CACNA2D4: variants seen among roughly 807,000 people sequenced by gnomAD.
The protein encoded by CACNA2D4 is calcium voltage-gated channel auxiliary subunit alpha2delta 4.
A neutral mutation model predicts 163.8 loss-of-function variants in CACNA2D4; 157 were observed. The ratio of observed to expected loss-of-function variants is 0.96; its 90% CI spans 0.84 to 1.09. The LOEUF (loss-of-function observed/expected upper bound fraction) is 1.09, where lower values mean the gene tolerates loss of function less well. Ranked by LOEUF, CACNA2D4 falls within the 50% of genes least tolerant of loss-of-function variation. The probability of loss-of-function intolerance (pLI) is 0.00; values close to 1 mark genes in which losing one functional copy is unlikely to be tolerated. For missense variants in CACNA2D4, 1,410 were observed against 1,479.9 expected (o/e 0.95, Z 0.78); for synonymous variants, 598 against 586.9 (o/e 1.02, Z -0.27).
chr12:1,856,297 G>GAAAC, intron 20 of CACNA2D4, 68 bp from the exon 21 acceptor site: 6 of 1,542,862 alleles, frequency 3.9e-6, no homozygotes, highest in Non-Finnish European at 5.4e-6. Flanking sequence ...CTCAATTGTA[G>GAAAC]AAACAGCCAC....
intron 18 of CACNA2D4, among the ~76,000 whole-genome samples, chr12:1,872,172 C>T (rs1865800621): frequency 6.6e-6 from 1 of 152,194 alleles, no homozygotes; most frequent in South Asian, 2.1e-4. Context: ...GAATGAGTTG[C>T]ACATGTTTCA....
chr12:1,910,456 T>C (rs1866785059), intron 3 of CACNA2D4, among the ~76,000 whole-genome samples: 1 of 26,280 alleles, frequency 3.8e-5, no homozygotes, highest in African/African-American at 3.1e-4. Flanking sequence ...ATGCAGGATG[T>C]TGATAGCGGG....
At chr12:1,818,983 A>G (rs1863987263) in intron 26 of CACNA2D4, among the ~76,000 whole-genome samples, 1 of 142,718 alleles carries the variant, frequency 7.0e-6, no homozygotes, top group Non-Finnish European at 1.5e-5. Context: ...AAGAATGATC[A>G]ATAAATACTA....
At chr12:1,805,980 G>A (rs4766420) in intron 29 of CACNA2D4, among the ~76,000 whole-genome samples, 148,569 of 152,312 alleles carry the variant, frequency 0.98, 72,557 homozygotes, top group East Asian at 1. Context: ...TGACGACAGA[G>A]AGGGATGCCC....
chr12:1,840,672 G>C, intron 26 of CACNA2D4, 67 bp downstream of exon 26: 2 of 1,358,828 alleles, frequency 1.5e-6, no homozygotes, highest in Non-Finnish European at 2.1e-6. Flanking sequence ...CTTCTGCTGT[G>C]ATCTATGCCT....
chr12:1,826,618 C>T (rs1305506153), intron 26 of CACNA2D4, among the ~76,000 whole-genome samples: 6 of 152,212 alleles, frequency 3.9e-5, no homozygotes, highest in African/African-American at 9.6e-5. Context: ...GCGGGGCCTT[C>T]GGCAGACTGG....
chr12:1,816,339 C>T (rs541637403), intron 26 of CACNA2D4, among the ~76,000 whole-genome samples: 65 of 152,342 alleles, frequency 4.3e-4, no homozygotes, highest in African/African-American at 1.5e-3. Flanking sequence ...GAAAGCTTCC[C>T]TCATGCCTGT....
At chr12:1,795,180 A>T (rs1863076365) in intron 37 of CACNA2D4, 119 bp downstream of exon 37, 1 of 790,746 alleles carries the variant, frequency 1.3e-6, no homozygotes, top group African/African-American at 1.7e-5. Context: ...CCCGAGAAGC[A>T]CAGGCACAGG....
Position 1,829,485 on chromosome 12 carries a change from G to A in CACNA2D4, c.2551+11254C>T, listed in dbSNP as rs111468844. 7.3e-3 allele frequency among the ~76,000 whole-genome samples: 1,114 copies of A among 152,132 alleles called. 16 individuals are homozygous for A. The highest frequency in any genetic ancestry group is 0.025 in the African/African-American group (1,027 of 41,514). Reference sequence around the variant, plus strand: ...ATGGCTGTACCTGTGCTCACTTCTCGCCAAGAACAGTGAGGCTTGCTGTTA... The same window carrying A: ...ATGGCTGTACCTGTGCTCACTTCTCACCAAGAACAGTGAGGCTTGCTGTTA... On this transcript the variant is annotated intron_variant, in intron 26 of 37. Coordinates refer to ENST00000382722, the MANE Select transcript of CACNA2D4 (RefSeq NM_172364.5). This position sits in a 1 kb window ranked among gnomAD's most constrained non-coding sequence, Gnocchi z 4.2.
rs886049125 is a variant in CACNA2D4 at position 1,801,583 on chromosome 12, A to T, written c.2783T>A (p.Val928Glu). 3.8e-6 allele frequency: 6 copies of T among 1,586,882 alleles called. No homozygotes were observed. The highest frequency in any genetic ancestry group is 1.4e-5 in the African/African-American group (1 of 74,022). ...AVLTQLLSMGVFSQVTMYDYQ... is the reference protein window; with the variant it reads ...AVLTQLLSMGEFSQVTMYDYQ... Reference sequence around the variant, plus strand: ...AGTGTGCCCCACTTACTGGCTGAACACCCCCATGCTGAGCAGCTGGGTCAG... The same window carrying T: ...AGTGTGCCCCACTTACTGGCTGAACTCCCCCATGCTGAGCAGCTGGGTCAG... Residue 928 changes from valine (V) to glutamate (E), a missense_variant, in exon 30 of 38, where the codon GTG (valine) becomes GAG (glutamate). By Grantham distance (121) the Val-to-Glu change is moderately radical. Transcript: ENST00000382722.
intron 23 of CACNA2D4, among the ~76,000 whole-genome samples, chr12:1,847,838 T>C (rs1432898528): frequency 6.7e-6 from 1 of 148,736 alleles, no homozygotes; most frequent in East Asian, 2.0e-4. Flanking sequence ...GTAAATATTT[T>C]AATTTATACA....
At chr12:1,824,545 C>T (rs1864239280) in intron 26 of CACNA2D4, among the ~76,000 whole-genome samples, 1 of 152,218 alleles carries the variant, frequency 6.6e-6, no homozygotes, top group African/African-American at 2.4e-5. Context: ...GTCTCTAGGA[C>T]TGGGTTAGGA....
In CACNA2D4 at chr12:1,833,507, C is replaced by T. The variant is rs1864721069; in HGVS notation, c.2551+7232G>A. On this transcript the variant is annotated intron_variant, in intron 26 of 37. Coordinates refer to ENST00000382722, the MANE Select transcript of CACNA2D4 (RefSeq NM_172364.5). This position sits in a 1 kb window ranked among gnomAD's most constrained non-coding sequence, Gnocchi z 4.2. ...TGGCGAGCCCGTGCGCCCAGGTACC[C>T]ACACCTCCTCATCAACACCAGCCTC... Among the ~76,000 whole-genome samples, 2 of 152,178 alleles carry T rather than the reference C, an allele frequency of 1.3e-5. No homozygotes were observed. Among genetic ancestry groups the T allele is most frequent in the African/African-American group, 4.8e-5 (2 of 41,438 alleles).
intron 25 of CACNA2D4, among the ~76,000 whole-genome samples, chr12:1,842,333 A>C (rs1865043692): frequency 6.6e-6 from 1 of 152,188 alleles, no homozygotes; most frequent in Non-Finnish European, 1.5e-5. Context: ...GACTTAGCCC[A>C]CCAGGCCCCG....
chr12:1,800,759 CAG>C (rs1863290037), intron 31 of CACNA2D4: 5 of 593,686 alleles, frequency 8.4e-6, no homozygotes, highest in African/African-American at 3.7e-5. Context: ...GCGGCAGTGT[CAG>C]GGGCTGAGGC....
chr12:1,889,281 T>C (rs1866222898), intron 6 of CACNA2D4, among the ~76,000 whole-genome samples: 1 of 152,134 alleles, frequency 6.6e-6, no homozygotes, highest in African/African-American at 2.4e-5. Context: ...CTCACATGCA[T>C]GAGGGAATGG....
chr12:1,797,989 G>A (rs1436205519), intron 34 of CACNA2D4, among the ~76,000 whole-genome samples: 1 of 152,098 alleles, frequency 6.6e-6, no homozygotes, highest in African/African-American at 2.4e-5. Context: ...ATCCTGCCCT[G>A]CTCTCCCGCA....
rs1434477319 is a variant in CACNA2D4, at chr12:1,869,969, A to G, written c.1878+4635T>C. 6.6e-6 allele frequency among the ~76,000 whole-genome samples: 1 copy of G among 152,228 alleles called. No homozygotes were observed. The highest frequency in any genetic ancestry group is 1.9e-4 in the East Asian group (1 of 5,196). ...TTCCTTTGAAGGTGTTTTTGTATTAAGCAGTAGTTAAATGATGGGTTGATA... is the reference window on the plus strand; with the variant it reads ...TTCCTTTGAAGGTGTTTTTGTATTAGGCAGTAGTTAAATGATGGGTTGATA... On this transcript the variant is annotated intron_variant, in intron 18 of 37. Coordinates refer to ENST00000382722, the MANE Select transcript of CACNA2D4 (RefSeq NM_172364.5). This position sits in a 1 kb window ranked among gnomAD's most constrained non-coding sequence, Gnocchi z 4.7.
intron 34 of CACNA2D4, chr12:1,797,741 CG>C: frequency 1.7e-6 from 1 of 591,802 alleles, no homozygotes; most frequent in Non-Finnish European, 3.0e-6. Context: ...TGGCTTGGCA[CG>C]GGGAGCGCCG....
Sources: allele counts gnomAD v4.1 joint callset (sites outside exome capture counted in the v4.1 genomes callset), GRCh38; gene constraint gnomAD v4.1.1; non-coding constraint Gnocchi (gnomAD v3.1); transcripts MANE v1.5; gene names NCBI Gene and HGNC (gene_info 2026-07-23, HGNC 2026-07-21).